The following ADAMTSL1 variants were observed in gnomAD, a reference collection of about 807,000 sequenced individuals.
The protein encoded by ADAMTSL1 is ADAMTS like 1, also known as ADAMTS-like protein 1.
ADAMTSL1 carries 126 observed loss-of-function variants against 201.8 expected under a neutral mutation model. That is an observed-to-expected ratio of 0.62 (90% CI 0.54 to 0.72). The LOEUF (loss-of-function observed/expected upper bound fraction) is 0.72. ADAMTSL1 is among the 30% of genes least tolerant of loss of function. The pLI is 0.00. For synonymous variants in ADAMTSL1, 1,121 were observed against 903.4 expected (o/e 1.24, Z -4.32); for missense variants, 2,679 against 2,277.8 (o/e 1.18, Z -3.59).
intron 2 of ADAMTSL1, among the ~76,000 whole-genome samples, chr9:18,278,290 C>T (rs536114909): frequency 2.6e-5 from 4 of 152,026 alleles, no homozygotes; most frequent in African/African-American, 7.2e-5. Context: ...AGCATTGTTT[C>T]GTTTTAACTT....
Position 18,403,274 on chromosome 9 carries a change from C to T in ADAMTSL1, c.208-101555C>T, listed in dbSNP as rs190727841. Among the ~76,000 whole-genome samples, 51 of 152,112 alleles carry T rather than the reference C, an allele frequency of 3.4e-4. 1 individual carries two copies. Among genetic ancestry groups the T allele is most frequent in the East Asian group, 3.1e-3 (16 of 5,160 alleles). ...TCTTGGCTCACTGCAACCTTCGCCT[C>T]CTGGGTTTAAGTGATTCTCTTGCCT... is the stretch of plus-strand genomic sequence containing the variant. On this transcript the variant is annotated intron_variant, in intron 2 of 29. Transcript: ENST00000680146.
At chr9:18,504,363 T>C (rs1823007731) in intron 1 of ADAMTSL1, among the ~76,000 whole-genome samples, 1 of 152,198 alleles carries the variant, frequency 6.6e-6, no homozygotes, top group South Asian at 2.1e-4. Flanking sequence ...AGGAATGCAG[T>C]TGCTTTATTA....
intron 1 of ADAMTSL1, among the ~76,000 whole-genome samples, chr9:17,940,712 C>CAAAAAAAAAAAAAAAAAAAAAA (rs60466124): frequency 2.3e-5 from 2 of 88,666 alleles, no homozygotes; most frequent in Admixed American, 1.5e-4. Flanking sequence ...GCATAACGTG[C>CAAAAAAAAAAAAAAAAAAAAAA]AAAAAAAAAA....
intron 7 of ADAMTSL1, among the ~76,000 whole-genome samples, chr9:18,648,269 G>T (rs563191053): frequency 7.1e-6 from 1 of 141,822 alleles, no homozygotes; most frequent in African/African-American, 2.5e-5. Context: ...TTTATTTTGA[G>T]CCTATGCGTG....
intron 2 of ADAMTSL1, among the ~76,000 whole-genome samples, chr9:18,509,082 G>A (rs926467546): frequency 7.7e-6 from 1 of 130,646 alleles, no homozygotes; most frequent in Non-Finnish European, 1.6e-5. Context: ...TACTCGGGAG[G>A]CTGAGGCAGG....
chr9:18,255,084 C>G (rs569468277), intron 2 of ADAMTSL1, among the ~76,000 whole-genome samples: 7 of 152,256 alleles, frequency 4.6e-5, no homozygotes, highest in African/African-American at 1.7e-4. Context: ...TCTGACTTGT[C>G]TTCATTTTTC....
intron 3 of ADAMTSL1, among the ~76,000 whole-genome samples, chr9:18,542,707 G>A (rs953902828): frequency 6.6e-6 from 1 of 152,126 alleles, no homozygotes; most frequent in African/African-American, 2.4e-5. Flanking sequence ...CAGTTGTTTA[G>A]CTCACCCAGT....
chr9:18,001,835 T>A (rs767919282), intron 1 of ADAMTSL1, among the ~76,000 whole-genome samples: 3 of 151,922 alleles, frequency 2.0e-5, no homozygotes, highest in Non-Finnish European at 4.4e-5. Context: ...CCTGTTAGTT[T>A]TGGCAGATAG....
intron 15 of ADAMTSL1, among the ~76,000 whole-genome samples, chr9:18,726,841 G>A (rs1199443384): frequency 1.3e-5 from 2 of 152,162 alleles, no homozygotes; most frequent in Non-Finnish European, 2.9e-5. Flanking sequence ...TAGATAAACA[G>A]GGAAGGGAGA....
intron 2 of ADAMTSL1, among the ~76,000 whole-genome samples, chr9:18,233,630 G>A (rs1830730518): frequency 6.6e-6 from 1 of 152,128 alleles, no homozygotes; most frequent in Non-Finnish European, 1.5e-5. Flanking sequence ...ACAAAGAGAT[G>A]AGAAATTGTG....
At chr9:18,891,505 C>A (rs1053138835) in intron 25 of ADAMTSL1, among the ~76,000 whole-genome samples, 1 of 152,230 alleles carries the variant, frequency 6.6e-6, no homozygotes, top group East Asian at 1.9e-4. Flanking sequence ...GTATATGGAC[C>A]GAGGATTTCC....
chr9:17,970,103 T>G (rs1363204366), intron 1 of ADAMTSL1, among the ~76,000 whole-genome samples: 2 of 152,060 alleles, frequency 1.3e-5, no homozygotes, highest in Non-Finnish European at 2.9e-5. Context: ...GTATTAACAC[T>G]GATATTTTCC....
rs1313541049 is a variant in ADAMTSL1 at position 18,715,029 on chromosome 9, C to T, written c.1877-6507C>T. Among the ~76,000 whole-genome samples, 10 of 47,166 alleles carry T rather than the reference C, an allele frequency of 2.1e-4. 3 individuals are homozygous for T. Among genetic ancestry groups the T allele is most frequent in the African/African-American group, 4.7e-4 (10 of 21,242 alleles). 30.9% of individuals were successfully genotyped at this position (47,166 alleles called of 152,430 possible). A position where few individuals can be genotyped will look rare whatever the true frequency, so the allele number is the denominator to read the frequency against. On this transcript the variant is annotated intron_variant, in intron 14 of 28. Coordinates refer to ENST00000380548, the MANE Select transcript of ADAMTSL1 (RefSeq NM_001040272.6). ...ATTATCTCAATAGATGCAGAAAAGGCCTTTGACAAAATTCATGCTAAAAAC... is the reference window on the plus strand; with the variant it reads ...ATTATCTCAATAGATGCAGAAAAGGTCTTTGACAAAATTCATGCTAAAAAC...
intron 1 of ADAMTSL1, among the ~76,000 whole-genome samples, chr9:18,132,707 T>C (rs187540525): frequency 1.3e-5 from 2 of 152,152 alleles, no homozygotes; most frequent in African/African-American, 4.8e-5. Flanking sequence ...TGTACCCTTT[T>C]TCCCCCCTTT....
At chr9:18,418,199 T>A (rs542676499) in intron 2 of ADAMTSL1, among the ~76,000 whole-genome samples, 1 of 152,190 alleles carries the variant, frequency 6.6e-6, no homozygotes, top group African/African-American at 2.4e-5. Context: ...TTCTTCTAAC[T>A]GATAAAGAGT....
intron 3 of ADAMTSL1, among the ~76,000 whole-genome samples, chr9:18,571,468 C>G (rs1178747778): frequency 6.6e-6 from 1 of 152,160 alleles, no homozygotes; most frequent in African/African-American, 2.4e-5. Flanking sequence ...TTCTTCTGTA[C>G]TTGTACTGAG....
Position 18,734,557 on chromosome 9 carries a change from C to T in ADAMTSL1, c.2006+12892C>T, listed in dbSNP as rs751116162. Among the ~76,000 whole-genome samples the T allele has an allele frequency of 1.9e-4, 29 of 152,046 alleles. 1 individual carries two copies. The highest frequency in any genetic ancestry group is 4.1e-4 in the Non-Finnish European group (28 of 68,024). ...AAAGTCTAGGACATAGACCCTGGGCCGCGCACTAACAGCTTATTAGGAAAC... is the reference window on the plus strand; with the variant it reads ...AAAGTCTAGGACATAGACCCTGGGCTGCGCACTAACAGCTTATTAGGAAAC... On this transcript the variant is annotated intron_variant, in intron 15 of 28. Coordinates refer to ENST00000380548, the MANE Select transcript of ADAMTSL1 (RefSeq NM_001040272.6).
At chr9:18,291,880 G>A (rs1259914127) in intron 2 of ADAMTSL1, among the ~76,000 whole-genome samples, 1 of 151,852 alleles carries the variant, frequency 6.6e-6, no homozygotes, top group Non-Finnish European at 1.5e-5. Context: ...TGAGAGTCTG[G>A]CCCTTCACAC....
chr9:18,656,457 G>A (rs1217344335), intron 7 of ADAMTSL1, among the ~76,000 whole-genome samples: 2 of 151,718 alleles, frequency 1.3e-5, no homozygotes, highest in African/African-American at 4.8e-5. Context: ...CTGAAACCCC[G>A]TCTCTACTAA....
Sources: allele counts gnomAD v4.1 joint callset (sites outside exome capture counted in the v4.1 genomes callset), GRCh38; gene constraint gnomAD v4.1.1; transcripts MANE v1.5; gene names NCBI Gene and HGNC (gene_info 2026-07-23, HGNC 2026-07-21).